Variants in NF1 observed in about 807,000 individuals in gnomAD.
NF1 encodes neurofibromin 1, also known as neurofibromin.
Under a neutral mutation model 325.7 loss-of-function variants are expected in NF1, and 122 were observed. The ratio of observed to expected loss-of-function variants is 0.37; its 90% CI spans 0.32 to 0.44. The LOEUF is 0.44. Among genes scored for constraint, NF1 ranks in the 20% least tolerant of loss-of-function variants. The probability of loss-of-function intolerance (pLI) is 1.00; values close to 1 mark genes in which losing one functional copy is unlikely to be tolerated. For synonymous variants in NF1, 1,091 were observed against 1,186.0 expected (o/e 0.92, Z 1.65); for missense variants, 2,140 against 3,415.4 (o/e 0.63, Z 9.31).
chr17:31,163,061 T>A (rs1375264239), intron 3 of NF1, 125 bp from the exon 4 acceptor site: 1 of 809,712 alleles, frequency 1.2e-6, no homozygotes, highest in Non-Finnish European at 2.0e-6. Context: ...AGTTGTTAAA[T>A]CTAGGTGGTG....
chr17:31,233,405 A>G (rs768779617), intron 27 of NF1, among the ~76,000 whole-genome samples, 192 bp downstream of exon 27: 21 of 152,224 alleles, frequency 1.4e-4, no homozygotes, highest in Non-Finnish European at 2.4e-4. Context: ...GTTCTGTATC[A>G]TTTCATCCTA....
At chr17:31,112,443 C>T (rs1448793269) in intron 1 of NF1, among the ~76,000 whole-genome samples, 1 of 152,150 alleles carries the variant, frequency 6.6e-6, no homozygotes, top group Non-Finnish European at 1.5e-5. Flanking sequence ...TCTTTGCCAA[C>T]ACTTATTTAA....
At position 31,129,514 on chromosome 17, in the gene NF1, C is replaced by T. The variant is rs1457965542; in HGVS notation, c.61-26469C>T. Among the ~76,000 whole-genome samples the T allele has an allele frequency of 2.0e-5, 3 of 146,828 alleles. No individual in the cohort carries two copies. The South Asian group carries it at 6.4e-4, about 31-fold the overall frequency. On this transcript the variant is annotated intron_variant, in intron 1 of 57. Transcript: ENST00000358273. Reference sequence around the variant, plus strand: ...ACACGATCTCAGCTCACTGCAACCTCTGCTTCCTGGGTTCAAGCGATTCTC... The same window carrying T: ...ACACGATCTCAGCTCACTGCAACCTTTGCTTCCTGGGTTCAAGCGATTCTC...
chr17:31,117,172 G>T (rs1291883484), intron 1 of NF1, among the ~76,000 whole-genome samples: 1 of 151,182 alleles, frequency 6.6e-6, no homozygotes, highest in East Asian at 2.0e-4. Context: ...GTAGGGATGG[G>T]GTTTCACCAT....
chr17:31,369,172 A>G (rs2070586690), intron 57 of NF1, among the ~76,000 whole-genome samples: 1 of 152,232 alleles, frequency 6.6e-6, no homozygotes, highest in Non-Finnish European at 1.5e-5. Context: ...TGACTAAAAA[A>G]TTGTCAGGCT....
chr17:31,349,062 G>T (rs2151572246), intron 48 of NF1, 58 bp from the exon 49 acceptor site: 1 of 1,540,906 alleles, frequency 6.5e-7, no homozygotes. Context: ...CTCAGCAGAT[G>T]CTTGTTCAAA....
At chr17:31,173,999 A>G (rs1212525150) in intron 5 of NF1, among the ~76,000 whole-genome samples, 1 of 152,220 alleles carries the variant, frequency 6.6e-6, no homozygotes, top group Non-Finnish European at 1.5e-5. Flanking sequence ...TTGGAGAGTT[A>G]CTTATTTGCA....
At chr17:31,358,078 G>T in intron 54 of NF1, 1 of 224,474 alleles carries the variant, frequency 4.5e-6, no homozygotes, top group Non-Finnish European at 8.9e-6. Context: ...TTTTCTTTTT[G>T]TTTTGCACAG....
Position 31,316,752 on chromosome 17 carries a change from G to C in NF1, c.4836-9068G>C, listed in dbSNP as rs570658592. Among the ~76,000 whole-genome samples the C allele has an allele frequency of 1.4e-4, 21 of 152,078 alleles. 1 individual carries two copies. The South Asian group carries it at 3.9e-3, about 29-fold the overall frequency. ...ATTCTCATGCTTTCCTTTTTACTTTGTTAACACTTAACTTTATCTGGAATA... is the reference window on the plus strand; with the variant it reads ...ATTCTCATGCTTTCCTTTTTACTTTCTTAACACTTAACTTTATCTGGAATA... On this transcript the variant is annotated intron_variant, in intron 36 of 57. Transcript: ENST00000358273.
Position 31,252,560 on chromosome 17 carries a change from A to G in NF1, c.4111-378A>G, listed in dbSNP as rs1000662890. The G allele has an allele frequency of 3.6e-4, 85 of 233,072 alleles. 1 individual carries two copies. In the East Asian group the frequency reaches 5.7e-3, roughly 16 times the overall value. The allele number at this position is 233,072 out of a possible 1,614,324, so 14.4% of individuals were successfully genotyped here. A position where few individuals can be genotyped will look rare whatever the true frequency, so the allele number is the denominator to read the frequency against. ...CATACCAAGAAAAAATTATGTAGAC[A>G]CAAATGTTTTTAGTGTGTGATCTAC... On this transcript the variant is annotated intron_variant, in intron 30 of 57. Coordinates refer to ENST00000358273, the MANE Select transcript of NF1 (RefSeq NM_001042492.3).
chr17:31,304,883 G>T, intron 36 of NF1: 2 of 1,614,076 alleles, frequency 1.2e-6, no homozygotes, highest in Non-Finnish European at 1.7e-6. Context: ...TCAGCAAATG[G>T]AGATCTACCT....
intron 5 of NF1, among the ~76,000 whole-genome samples, chr17:31,173,827 A>G (rs891733249): frequency 3.9e-5 from 6 of 152,234 alleles, no homozygotes; most frequent in Admixed American, 2.6e-4. Context: ...TAGAACTGAA[A>G]GATACTTTGG....
chr17:31,283,323 A>G (rs2068159089), intron 36 of NF1, among the ~76,000 whole-genome samples: 1 of 151,892 alleles, frequency 6.6e-6, no homozygotes, highest in Admixed American at 6.6e-5. Flanking sequence ...AGGCTGAGGC[A>G]GGAGAATGGC....
intron 8 of NF1, chr17:31,183,289 AT>A (rs58707782): frequency 1.9e-4 from 29 of 155,780 alleles, no homozygotes; most frequent in East Asian, 3.6e-4. Flanking sequence ...TTTTGCAAAT[AT>A]TTTTTTTTTC....
chr17:31,347,392 A>G (rs1316585412), intron 48 of NF1, among the ~76,000 whole-genome samples: 4 of 151,876 alleles, frequency 2.6e-5, no homozygotes, highest in Admixed American at 6.6e-5. Flanking sequence ...CAAATTCTTT[A>G]TTTTTTTTTC....
intron 40 of NF1, among the ~76,000 whole-genome samples, chr17:31,335,276 A>T (rs867641101): frequency 7.6e-4 from 28 of 36,736 alleles, no homozygotes; most frequent in African/African-American, 1.4e-3. Flanking sequence ...AGGCATAATT[A>T]TATATATATA....
intron 8 of NF1, among the ~76,000 whole-genome samples, chr17:31,187,657 C>T (rs1416896433): frequency 1.3e-5 from 2 of 152,112 alleles, no homozygotes; most frequent in African/African-American, 2.4e-5. Context: ...AATCAGTGTC[C>T]AATATATGGT....
intron 15 of NF1, chr17:31,222,166 A>G (rs1478834554): frequency 3.2e-6 from 4 of 1,235,882 alleles, no homozygotes; most frequent in African/African-American, 1.6e-5. Context: ...TCACCCTAAC[A>G]TAAGTACTGT....
chr17:31,258,743 G>A (rs903167869), intron 32 of NF1, among the ~76,000 whole-genome samples: 8 of 151,882 alleles, frequency 5.3e-5, no homozygotes, highest in Admixed American at 2.0e-4. Flanking sequence ...CATTTTTTGC[G>A]TAATCATTCT....
Sources: gnomAD v4.1 joint callset for allele counts (sites outside exome capture counted in the v4.1 genomes callset) on GRCh38, gnomAD v4.1.1 for gene constraint, MANE v1.5 for transcripts, NCBI Gene and HGNC (gene_info 2026-07-23, HGNC 2026-07-21) for gene names.